Variants in PCDH9 observed in about 807,000 individuals in gnomAD.
The protein encoded by PCDH9 is protocadherin 9, also known as protocadherin-9.
A neutral mutation model predicts 70.6 loss-of-function variants in PCDH9; 24 were observed. The ratio of observed to expected loss-of-function variants is 0.34; its 90% confidence interval spans 0.25 to 0.48. The LOEUF is 0.48. PCDH9 is among the 20% of genes least tolerant of loss of function. The probability of loss-of-function intolerance (pLI) is 0.99; values close to 1 mark genes in which losing one functional copy is unlikely to be tolerated. For synonymous variants in PCDH9, 562 were observed against 558.5 expected, an observed-to-expected ratio of 1.01 and a Z score of -0.09; for missense variants, 1,281 against 1,503.6, an observed-to-expected ratio of 0.85 and a Z score of 2.45.
chr13:66,691,391 A>C (rs1289471485), intron 3 of PCDH9, among the ~76,000 whole-genome samples: 1 of 152,168 alleles, frequency 6.6e-6, no homozygotes, highest in Non-Finnish European at 1.5e-5. Context: ...ACATAGTTAG[A>C]ATAGCAGAAT....
At chr13:66,786,903 C>G (rs933172125) in intron 3 of PCDH9, among the ~76,000 whole-genome samples, 2 of 152,108 alleles carry the variant, frequency 1.3e-5, no homozygotes, top group South Asian at 4.1e-4. Flanking sequence ...TAAAACACAA[C>G]TGATTATGAA....
intron 2 of PCDH9, among the ~76,000 whole-genome samples, chr13:67,032,292 T>C (rs2084923387): frequency 6.6e-6 from 1 of 152,066 alleles, no homozygotes; most frequent in South Asian, 2.1e-4. Flanking sequence ...TACAGGTGCA[T>C]GACCCCACAC....
chr13:66,762,044 T>C (rs2079637431), intron 3 of PCDH9, among the ~76,000 whole-genome samples: 1 of 152,058 alleles, frequency 6.6e-6, no homozygotes, highest in African/African-American at 2.4e-5. Flanking sequence ...AGTAAGCTTG[T>C]CCAGAGATTC....
intron 3 of PCDH9, among the ~76,000 whole-genome samples, chr13:66,828,690 CAG>C (rs908035505): frequency 2.0e-5 from 3 of 151,894 alleles, no homozygotes; most frequent in Non-Finnish European, 4.4e-5. Context: ...GAAAAAGAGA[CAG>C]AGAGAGGGAG....
chr13:67,031,579 AG>A (rs1224385845), intron 2 of PCDH9, among the ~76,000 whole-genome samples: 1 of 152,158 alleles, frequency 6.6e-6, no homozygotes, highest in Non-Finnish European at 1.5e-5. Flanking sequence ...GCTACTAGGG[AG>A]GCTGAGGCAG....
At chr13:67,100,836 T>G (rs1298465813) in intron 2 of PCDH9, among the ~76,000 whole-genome samples, 1 of 152,214 alleles carries the variant, frequency 6.6e-6, no homozygotes, top group Non-Finnish European at 1.5e-5. Context: ...TATTTCAGGC[T>G]GCTGACGAAA....
chr13:66,492,316 T>C (rs987653080), intron 4 of PCDH9, among the ~76,000 whole-genome samples: 1 of 151,780 alleles, frequency 6.6e-6, no homozygotes, highest in Non-Finnish European at 1.5e-5. Context: ...GACAGAAATC[T>C]CAGTATCATT....
chr13:66,682,687 C>T (rs9540867), intron 3 of PCDH9, among the ~76,000 whole-genome samples: 148,678 of 152,262 alleles, frequency 0.98, 72,698 homozygotes, highest in South Asian at 1. Flanking sequence ...TAGAATTTCA[C>T]ATTTTATATT....
chr13:66,526,767 C>T (rs1231159148), intron 4 of PCDH9, among the ~76,000 whole-genome samples: 1 of 152,158 alleles, frequency 6.6e-6, no homozygotes, highest in Non-Finnish European at 1.5e-5. Context: ...GCAAGAATAT[C>T]TCAAAGTGGC....
intron 2 of PCDH9, among the ~76,000 whole-genome samples, chr13:67,109,309 G>A (rs1400007101): frequency 6.6e-6 from 1 of 152,094 alleles, no homozygotes; most frequent in Non-Finnish European, 1.5e-5. Flanking sequence ...TTAGGATCTT[G>A]GTTTATTTTG....
At chr13:66,784,175 A>G (rs558758508) in intron 3 of PCDH9, among the ~76,000 whole-genome samples, 2 of 152,292 alleles carry the variant, frequency 1.3e-5, no homozygotes, top group South Asian at 4.1e-4. Context: ...AATGTTTAGC[A>G]AGGTACATTG....
chr13:67,188,902 C>G (rs765371904), intron 2 of PCDH9, among the ~76,000 whole-genome samples: 1 of 151,722 alleles, frequency 6.6e-6, no homozygotes, highest in African/African-American at 2.4e-5. Context: ...AAGTATACAC[C>G]AAACCTGATT....
intron 4 of PCDH9, among the ~76,000 whole-genome samples, chr13:66,575,926 A>G (rs1173295163): frequency 6.6e-6 from 1 of 152,126 alleles, no homozygotes; most frequent in African/African-American, 2.4e-5. Flanking sequence ...CTTACTAAAT[A>G]TGTTAATTTT....
intron 3 of PCDH9, among the ~76,000 whole-genome samples, chr13:66,889,059 T>A (rs966658531): frequency 5.3e-5 from 8 of 152,242 alleles, no homozygotes; most frequent in African/African-American, 1.9e-4. Flanking sequence ...TCCTCCTGCC[T>A]GTGCGGTTGA....
At chr13:67,011,246 T>C (rs1221487436) in intron 2 of PCDH9, among the ~76,000 whole-genome samples, 1 of 151,852 alleles carries the variant, frequency 6.6e-6, no homozygotes, top group Non-Finnish European at 1.5e-5. Context: ...AACGTAAACA[T>C]CAGGAAACAG....
chr13:67,218,118 C>T (rs2089648747), intron 2 of PCDH9: 1 of 152,022 alleles, frequency 6.6e-6, no homozygotes, highest in African/African-American at 2.4e-5. Flanking sequence ...ATACAAAGCT[C>T]TCTACTTTGC....
intron 4 of PCDH9, among the ~76,000 whole-genome samples, chr13:66,539,572 G>A (rs963334723): frequency 6.6e-6 from 1 of 152,078 alleles, no homozygotes; most frequent in African/African-American, 2.4e-5. Context: ...GACATGGCTG[G>A]AAGAATCACT....
chr13:66,615,585 A>C (rs2098499813), intron 4 of PCDH9, among the ~76,000 whole-genome samples: 1 of 152,210 alleles, frequency 6.6e-6, no homozygotes, highest in Non-Finnish European at 1.5e-5. Flanking sequence ...GCTCTCAAAT[A>C]CAGGCTTCTG....
chr13:66,410,439 G>A (rs1411385118), intron 4 of PCDH9, among the ~76,000 whole-genome samples: 3 of 152,168 alleles, frequency 2.0e-5, no homozygotes, highest in Non-Finnish European at 2.9e-5. Flanking sequence ...GTGGCCACAG[G>A]AAACTACAAC....
Sources: allele counts gnomAD v4.1 joint callset (sites outside exome capture counted in the v4.1 genomes callset), GRCh38; gene constraint gnomAD v4.1.1; transcripts MANE v1.5; gene names NCBI Gene and HGNC (gene_info 2026-07-23, HGNC 2026-07-21).